C1S: variants seen among roughly 807,000 people sequenced by gnomAD.
C1S encodes the protein complement C1s subcomponent.
A neutral mutation model predicts 54.0 loss-of-function variants in C1S; 31 were observed. The ratio of observed to expected loss-of-function variants is 0.57; its 90% CI spans 0.43 to 0.78. C1S has a LOEUF of 0.78. Among genes scored for constraint, C1S ranks in the 30% least tolerant of loss-of-function variants. The probability of loss-of-function intolerance (pLI) is 0.00; values close to 1 mark genes in which losing one functional copy is unlikely to be tolerated. For synonymous variants in C1S, 292 were observed against 303.6 expected, an observed-to-expected ratio of 0.96 and a Z score of 0.40; for missense variants, 727 against 851.8, an observed-to-expected ratio of 0.85 and a Z score of 1.82.
At chr12:7,065,461 G>A (rs1224478727) in intron 6 of C1S, 162 bp downstream of exon 6, 1 of 709,830 alleles carries the variant, frequency 1.4e-6, no homozygotes, top group East Asian at 2.7e-5. Flanking sequence ...GCTCAAGCAA[G>A]CGTCCCACCT....
chr12:7,067,570 G>A, intron 9 of C1S, 73 bp from the exon 10 acceptor site: 1 of 1,566,552 alleles, frequency 6.4e-7, no homozygotes, highest in Non-Finnish European at 8.8e-7. Context: ...CAGTGAGGAT[G>A]AACCTGGCCC....
chr12:7,065,438 C>T (rs1555162023), intron 6 of C1S, 139 bp downstream of exon 6: 1 of 736,904 alleles, frequency 1.4e-6, no homozygotes, highest in East Asian at 2.6e-5. Context: ...TCACTGTAGC[C>T]TTGATCTCTT....
chr12:7,069,884 G>A lies in C1S; in HGVS notation c.1300G>A (p.Glu434Lys). 6.2e-7 allele frequency: 1 copy of A among 1,614,154 alleles called. No individual in the cohort carries two copies. The highest frequency in any genetic ancestry group is 8.5e-7 in the Non-Finnish European group (1 of 1,180,014). The change falls in exon 12 of 12, where the codon GAA (glutamate) becomes AAA (lysine). Residue 434 changes from glutamate to lysine, a missense_variant. Physicochemically the swap from Glu to Lys is moderately conservative, Grantham distance 56. Coordinates refer to ENST00000360817, the MANE Select transcript of C1S (RefSeq NM_001734.5). ...TGGAGTCCCCAGAGAACCCTTTGAA[G>A]AAAAACAGAGGATAATTGGAGGATC... is the stretch of plus-strand genomic sequence containing the variant. Reference protein sequence around the residue: ...VCGVPREPFEEKQRIIGGSDA... With the variant: ...VCGVPREPFEKKQRIIGGSDA...
chr12:7,061,757 A>G, intron 1 of C1S, 82 bp from the exon 2 acceptor site: 1 of 759,306 alleles, frequency 1.3e-6, no homozygotes, highest in South Asian at 1.5e-5. Context: ...TGAAGGTGAC[A>G]CTGAGCCCCA....
Position 7,067,101 on chromosome 12 carries a change from C to T in C1S, c.1050C>T (p.Ser350=). Residue 350 remains serine (S), a synonymous_variant, in exon 9 of 12, where the codon TCC becomes TCT. Coordinates refer to ENST00000360817, the MANE Select transcript of C1S (RefSeq NM_001734.5). ...AAAGCAATGGAAAGTGGAGTAATTC[C>T]AAACTGAAATGTCAACGTATGTGTC... ...TCQSNGKWSN[S]KLKCQPVDCG... The T allele has an allele frequency of 1.2e-6, 2 of 1,604,176 alleles. No individual in the cohort carries two copies. The highest frequency in any genetic ancestry group is 1.7e-6 in the Non-Finnish European group (2 of 1,170,966).
chr12:7,069,977 A>G lies in C1S; in HGVS notation c.1393A>G (p.Ile465Val), dbSNP rs782766062. ...CAACCCATGGGCTGGTGGAGCGCTC[A>G]TTAATGAGTACTGGGTGCTGACGGC... ...FDNPWAGGAL[I>V]NEYWVLTAAH... The change falls in exon 12 of 12, where the codon ATT (isoleucine) becomes GTT (valine). Residue 465 changes from isoleucine (I) to valine (V), a missense_variant. Around this residue, in one of 3 missense-constraint regions of C1S, gnomAD observed 360 missense variants for 453.6 expected, o/e 0.79. Transcript: ENST00000360817. The G allele has an allele frequency of 1.4e-5, 22 of 1,614,110 alleles. No individual in the cohort carries two copies. Among genetic ancestry groups the G allele is most frequent in the Middle Eastern group, 1.6e-4 (1 of 6,084 alleles).
chr12:7,067,885 C>T (rs1555162575), intron 10 of C1S, 114 bp downstream of exon 10: 4 of 1,118,994 alleles, frequency 3.6e-6, no homozygotes, highest in Non-Finnish European at 5.4e-6. Context: ...ATAGGACAGA[C>T]ATTGTTCATC....
In C1S at chr12:7,066,578, A is replaced by T. The variant is rs1249485520; in HGVS notation, c.932A>T (p.Tyr311Phe). 1 of 1,613,900 alleles carries T rather than the reference A, an allele frequency of 6.2e-7. No homozygotes were observed. The highest frequency in any genetic ancestry group is 8.5e-7 in the Non-Finnish European group (1 of 1,179,862). ...NSVWEPAKAK[Y>F]VFRDVVQITC... ...GTTTGGGAGCCTGCGAAGGCAAAAT[A>T]TGTCTTTAGAGATGTGGTGCAGATA... The change falls in exon 8 of 12, where the codon TAT becomes TTT. Residue 311 changes from tyrosine (Y) to phenylalanine (F), a missense_variant. Physicochemically the swap from Tyr to Phe is conservative, Grantham distance 22. Coordinates refer to ENST00000360817, the MANE Select transcript of C1S (RefSeq NM_001734.5).
At chr12:7,064,719 C>T (rs1555161822) in intron 5 of C1S, among the ~76,000 whole-genome samples, 1 of 152,006 alleles carries the variant, frequency 6.6e-6, no homozygotes, top group East Asian at 1.9e-4. Context: ...TCCCCAGAGT[C>T]CATTATATCA....
chr12:7,068,619 G>T, intron 11 of C1S, 89 bp downstream of exon 11: 1 of 921,342 alleles, frequency 1.1e-6, no homozygotes, highest in South Asian at 1.3e-5. Context: ...CTTGGGAAAG[G>T]ACTGAACAGT....
chr12:7,064,425 C>T, intron 5 of C1S, 33 bp downstream of exon 5: 2 of 1,613,824 alleles, frequency 1.2e-6, no homozygotes, highest in Non-Finnish European at 1.7e-6. Context: ...TGCATGTTCC[C>T]TGGGATTTGG....
intron 11 of C1S, among the ~76,000 whole-genome samples, chr12:7,069,124 A>G (rs954206096): frequency 6.6e-6 from 1 of 152,170 alleles, no homozygotes; most frequent in Non-Finnish European, 1.5e-5. Context: ...GGTGGGGTGC[A>G]AGTTCACAGA....
Position 7,070,807 on chromosome 12 carries a change from T to A in C1S, c.*156T>A. The A allele has an allele frequency of 2.8e-6, 2 of 716,208 alleles. No homozygotes were observed. The highest frequency in any genetic ancestry group is 3.2e-5 in the South Asian group (2 of 61,560). The allele number at this position is 716,208 out of a possible 1,614,324, so 44.4% of individuals were successfully genotyped here. A position where few individuals can be genotyped will look rare whatever the true frequency, so the allele number is the denominator to read the frequency against. On this transcript the variant is annotated 3_prime_UTR_variant, in exon 12 of 12. Coordinates refer to ENST00000360817, the MANE Select transcript of C1S (RefSeq NM_001734.5). This position sits in a 1 kb window ranked among gnomAD's most constrained non-coding sequence, Gnocchi z 4.9. ...TTGAGACGCCTTGCTAGAGGTAGAGTTTGATCATAGAATTGTGCTGGTCAT... is the reference window on the plus strand; with the variant it reads ...TTGAGACGCCTTGCTAGAGGTAGAGATTGATCATAGAATTGTGCTGGTCAT...
chr12:7,064,283 A>G lies in C1S; in HGVS notation c.408A>G (p.Thr136=). The change falls in exon 5 of 12, where the codon ACA becomes ACG. Residue 136 remains threonine, a synonymous_variant. Transcript: ENST00000360817. The part of the protein sequence containing the change: ...YYVATDINEC[T]DFVDVPCSHF... ...TCTTTGTAGACATAAATGAATGCACAGATTTTGTAGATGTCCCTTGTAGCC... is the reference window on the plus strand; with the variant it reads ...TCTTTGTAGACATAAATGAATGCACGGATTTTGTAGATGTCCCTTGTAGCC... 6.2e-7 allele frequency: 1 copy of G among 1,614,048 alleles called. No individual in the cohort carries two copies.
intron 2 of C1S, chr12:7,062,250 G>A (rs1315977102): frequency 2.3e-5 from 13 of 554,926 alleles, no homozygotes; most frequent in South Asian, 4.1e-5. Context: ...CAGCCTGGGT[G>A]ACAGAGTGAG....
chr12:7,062,195 C>T (rs369261535), intron 2 of C1S: 27 of 539,100 alleles, frequency 5.0e-5, no homozygotes, highest in East Asian at 4.6e-4. Context: ...CACTTGAGCG[C>T]GGGAGGTCAA....
chr12:7,063,988 C>T, intron 4 of C1S: 1 of 514,514 alleles, frequency 1.9e-6, no homozygotes, highest in Non-Finnish European at 3.8e-6. Context: ...GAGCCAAGAT[C>T]CCACCACTGC....
chr12:7,068,080 C>T (rs192530472), intron 10 of C1S, among the ~76,000 whole-genome samples: 9 of 152,282 alleles, frequency 5.9e-5, no homozygotes, highest in Admixed American at 5.9e-4. Flanking sequence ...CCCACAGGAG[C>T]AATGCCTTCA....
At chr12:7,063,926 G>T in intron 4 of C1S, 1 of 451,556 alleles carries the variant, frequency 2.2e-6, no homozygotes, top group Non-Finnish European at 4.5e-6. Context: ...CTCCTCGGGA[G>T]GTAGAGGCGT....
Sources: gnomAD v4.1 joint callset for allele counts (sites outside exome capture counted in the v4.1 genomes callset) on GRCh38, gnomAD v4.1.1 for gene constraint, gnomAD v4.1.1 regional missense constraint, Gnocchi (gnomAD v3.1) non-coding constraint, MANE v1.5 for transcripts, NCBI Gene and HGNC (gene_info 2026-07-23, HGNC 2026-07-21) for gene names.